The following VWC2 variants were observed in gnomAD, a reference collection of about 807,000 sequenced individuals.
VWC2 encodes the protein von Willebrand factor C domain containing 2.
In VWC2, 14 loss-of-function variants were observed where a neutral mutation model predicts 29.8. The ratio of observed to expected loss-of-function variants is 0.47; its 90% CI spans 0.31 to 0.74. VWC2 has a LOEUF of 0.74. Ranked by LOEUF, VWC2 falls within the 30% of genes least tolerant of loss-of-function variation. VWC2 has a pLI of 0.05. For synonymous variants in VWC2, 213 were observed against 199.0 expected (o/e 1.07, Z -0.59); for missense variants, 457 against 459.8 (o/e 0.99, Z 0.05).
At chr7:49,789,114 G>T (rs1788392536) in intron 2 of VWC2, among the ~76,000 whole-genome samples, 1 of 131,692 alleles carries the variant, frequency 7.6e-6, no homozygotes, top group Non-Finnish European at 1.5e-5. Flanking sequence ...GAGATTGAGA[G>T]AGTGTAGTGT....
intron 3 of VWC2, among the ~76,000 whole-genome samples, chr7:49,894,244 C>A (rs1309784491): frequency 2.6e-5 from 4 of 152,206 alleles, no homozygotes; most frequent in Non-Finnish European, 5.9e-5. Flanking sequence ...TCAGCCTCGA[C>A]CACCCAGGCT....
intron 2 of VWC2, among the ~76,000 whole-genome samples, chr7:49,788,936 AAT>A (rs1263835879): frequency 2.3e-5 from 3 of 132,540 alleles, no homozygotes; most frequent in African/African-American, 5.8e-5. Flanking sequence ...CATGTGTGAG[AAT>A]ATGAGTGTGG....
At chr7:49,847,124 C>T (rs1389979781) in intron 3 of VWC2, among the ~76,000 whole-genome samples, 1 of 151,606 alleles carries the variant, frequency 6.6e-6, no homozygotes, top group African/African-American at 2.4e-5. Context: ...ACTTGTGACA[C>T]GAATAGGTGT....
At chr7:49,894,690 G>A (rs1792295235) in intron 3 of VWC2, among the ~76,000 whole-genome samples, 1 of 152,226 alleles carries the variant, frequency 6.6e-6, no homozygotes, top group African/African-American at 2.4e-5. Context: ...GGAAAAGCGT[G>A]GGTGGGGGCC....
At chr7:49,844,024 T>A (rs76395608) in intron 3 of VWC2, among the ~76,000 whole-genome samples, 5,545 of 152,204 alleles carry the variant, frequency 0.036, 137 homozygotes, top group Middle Eastern at 0.071. Flanking sequence ...GGCCATGGAA[T>A]TGGCTGGGTG....
chr7:49,811,682 T>G (rs1789010600), intron 3 of VWC2, among the ~76,000 whole-genome samples: 1 of 152,204 alleles, frequency 6.6e-6, no homozygotes, highest in Non-Finnish European at 1.5e-5. Flanking sequence ...TTGGCAAAGA[T>G]GTGGAGAAAA....
rs1793583154 is a variant in VWC2 at position 49,913,803 on chromosome 7, A to G, written c.*1618A>G. ...AAATAATTCAATCATTAAAGACTGA[A>G]TAACATTCAAGAAAAATGGATACAT... is the stretch of plus-strand genomic sequence containing the variant. On this transcript the variant is annotated 3_prime_UTR_variant, in exon 4 of 4. Transcript: ENST00000340652. 6.6e-6 allele frequency: 1 copy of G among 152,230 alleles called. No homozygotes were observed. Among genetic ancestry groups the G allele is most frequent in the Non-Finnish European group, 1.5e-5 (1 of 68,044 alleles). The allele number at this position is 152,230 out of a possible 1,614,324, so 9.4% of individuals were successfully genotyped here.
chr7:49,906,915 T>C (rs758763421), intron 3 of VWC2, among the ~76,000 whole-genome samples: 1 of 152,192 alleles, frequency 6.6e-6, no homozygotes, highest in Non-Finnish European at 1.5e-5. Flanking sequence ...ATCTCTTTCT[T>C]GCCTGAAGCA....
At chr7:49,790,700 AG>A (rs1788446422) in intron 2 of VWC2, among the ~76,000 whole-genome samples, 1 of 151,742 alleles carries the variant, frequency 6.6e-6, no homozygotes, top group Admixed American at 6.6e-5. Context: ...CCCAGCCCTC[AG>A]GGGGTCGGGG....
chr7:49,880,556 AT>A (rs528625455), intron 3 of VWC2, among the ~76,000 whole-genome samples: 5 of 150,926 alleles, frequency 3.3e-5, no homozygotes, highest in African/African-American at 1.2e-4. Context: ...ATAAATTGTG[AT>A]TTTTTATCAT....
chr7:49,823,627 G>A (rs1179150196), intron 3 of VWC2, among the ~76,000 whole-genome samples: 1 of 152,286 alleles, frequency 6.6e-6, no homozygotes, highest in African/African-American at 2.4e-5. Flanking sequence ...ATTCAGCAGC[G>A]TTAGTGCCTA....
In VWC2 at chr7:49,914,953, G is replaced by A. The variant is rs1793638954; in HGVS notation, c.*2768G>A. ...AATAATTGTTAAATGATTTGTTCAA[G>A]TTAATAAACTAAATCGTGCTTACAA... On this transcript the variant is annotated 3_prime_UTR_variant, in exon 4 of 4. Transcript: ENST00000340652. 1 of 152,132 alleles carries A rather than the reference G, an allele frequency of 6.6e-6. No homozygotes were observed. The highest frequency in any genetic ancestry group is 2.1e-4 in the South Asian group (1 of 4,828). 9.4% of individuals were successfully genotyped at this position (152,132 alleles called of 1,614,324 possible). A position where few individuals can be genotyped will look rare whatever the true frequency, so the allele number is the denominator to read the frequency against.
intron 3 of VWC2, among the ~76,000 whole-genome samples, chr7:49,815,750 G>T (rs1789127285): frequency 6.6e-6 from 1 of 152,138 alleles, no homozygotes; most frequent in Non-Finnish European, 1.5e-5. Context: ...GTATCCTTTT[G>T]GGTACCTGTA....
At chr7:49,818,876 C>T (rs1789207028) in intron 3 of VWC2, among the ~76,000 whole-genome samples, 1 of 148,866 alleles carries the variant, frequency 6.7e-6, no homozygotes, top group Non-Finnish European at 1.5e-5. Flanking sequence ...TATATATCTT[C>T]ATATAAATAT....
rs548925832 is a variant in VWC2, at chr7:49,818,770, A to G, written c.826+15930A>G. ...CATATAAATATAAATTCATATATAT[A>G]TGAATTTGCCTTTAAAATAAAATAT... On this transcript the variant is annotated intron_variant, in intron 3 of 3. Transcript: ENST00000340652. Among the ~76,000 whole-genome samples, 16 of 149,584 alleles carry G rather than the reference A, an allele frequency of 1.1e-4. 1 individual carries two copies. The East Asian group carries it at 2.9e-3, about 27-fold the overall frequency.
intron 3 of VWC2, among the ~76,000 whole-genome samples, chr7:49,872,924 A>AAAAAAC: frequency 6.7e-6 from 1 of 149,034 alleles, no homozygotes; most frequent in Non-Finnish European, 1.5e-5. Flanking sequence ...TCAAAAAAAA[A>AAAAAAC]AAAAAAAAAA....
chr7:49,880,130 A>C (rs951258793), intron 3 of VWC2, among the ~76,000 whole-genome samples: 19 of 152,158 alleles, frequency 1.2e-4, no homozygotes, highest in African/African-American at 4.3e-4. Context: ...TGTTTCATTT[A>C]AAAACTTTTT....
intron 3 of VWC2, among the ~76,000 whole-genome samples, chr7:49,833,340 A>G (rs1425124880): frequency 6.6e-6 from 1 of 152,246 alleles, no homozygotes; most frequent in Non-Finnish European, 1.5e-5. Context: ...GATCCAGGCC[A>G]GAAAGATGAA....
At chr7:49,798,483 C>T (rs929707640) in intron 2 of VWC2, among the ~76,000 whole-genome samples, 5 of 152,232 alleles carry the variant, frequency 3.3e-5, no homozygotes, top group Non-Finnish European at 7.3e-5. Flanking sequence ...TTGGCAGCCT[C>T]TCTGTATCTC....
Sources: allele counts gnomAD v4.1 joint callset (sites outside exome capture counted in the v4.1 genomes callset), GRCh38; gene constraint gnomAD v4.1.1; transcripts MANE v1.5; gene names NCBI Gene and HGNC (gene_info 2026-07-23, HGNC 2026-07-21).